The following BNC2 variants were observed in gnomAD, a reference collection of about 807,000 sequenced individuals.
The protein encoded by BNC2 is basonuclin zinc finger protein 2, also known as zinc finger protein basonuclin-2.
BNC2 carries 20 observed loss-of-function variants against 76.3 expected under a neutral mutation model. The ratio of observed to expected loss-of-function variants is 0.26; its 90% CI spans 0.18 to 0.38. BNC2 has a LOEUF of 0.38. Among genes scored for constraint, BNC2 ranks in the 10% least tolerant of loss-of-function variants. BNC2 has a pLI of 1.00. For missense variants in BNC2, 1,382 were observed against 1,399.8 expected, an observed-to-expected ratio of 0.99 and a Z score of 0.20; for synonymous variants, 582 against 514.8, an observed-to-expected ratio of 1.13 and a Z score of -1.77.
chr9:16,638,086 A>C (rs184790833), intron 3 of BNC2, among the ~76,000 whole-genome samples: 1 of 152,302 alleles, frequency 6.6e-6, no homozygotes, highest in Non-Finnish European at 1.5e-5. Context: ...CTTCAAGCTA[A>C]ATTTCTGGGA....
intron 5 of BNC2, among the ~76,000 whole-genome samples, chr9:16,486,415 A>G (rs1004407503): frequency 6.6e-6 from 1 of 152,204 alleles, no homozygotes; most frequent in African/African-American, 2.4e-5. Flanking sequence ...GGCAGGAAGA[A>G]TTAATACTGA....
intron 4 of BNC2, among the ~76,000 whole-genome samples, chr9:16,570,436 C>T (rs1164431066): frequency 6.6e-6 from 1 of 152,174 alleles, no homozygotes; most frequent in Admixed American, 6.5e-5. Flanking sequence ...TCTAGGCTAT[C>T]ACACACACTT....
At chr9:16,633,113 T>C (rs1454156276) in intron 3 of BNC2, among the ~76,000 whole-genome samples, 1 of 152,230 alleles carries the variant, frequency 6.6e-6, no homozygotes, top group Non-Finnish European at 1.5e-5. Context: ...CTGTATTTCA[T>C]CTTTTTAAAA....
In BNC2 at chr9:16,569,853, G is replaced by C. The variant is rs150697432; in HGVS notation, c.433+13130C>G. Among the ~76,000 whole-genome samples, 49 of 152,292 alleles carry C rather than the reference G, an allele frequency of 3.2e-4. 1 individual carries two copies. In the East Asian group the frequency reaches 7.5e-3, roughly 23 times the overall value. ...GGGAATTATTATTATTGCCACTGCTGTTCTATCCAATCTCCAGTTGCCTCA... is the reference window on the plus strand; with the variant it reads ...GGGAATTATTATTATTGCCACTGCTCTTCTATCCAATCTCCAGTTGCCTCA... On this transcript the variant is annotated intron_variant, in intron 4 of 6. Transcript: ENST00000380672.
At chr9:16,689,540 G>T (rs1235022492) in intron 3 of BNC2, among the ~76,000 whole-genome samples, 1 of 152,066 alleles carries the variant, frequency 6.6e-6, no homozygotes, top group Non-Finnish European at 1.5e-5. Context: ...AGTCAAGCTG[G>T]CCCCAAGCCC....
At chr9:16,858,086 G>A (rs10756819) in intron 1 of BNC2, among the ~76,000 whole-genome samples, 76,906 of 152,050 alleles carry the variant, frequency 0.51, 23,155 homozygotes, top group Non-Finnish European at 0.66. Flanking sequence ...TGGGTTTGGA[G>A]ATCATACAAT....
chr9:16,535,286 A>G (rs945577782), intron 5 of BNC2, among the ~76,000 whole-genome samples: 1 of 151,518 alleles, frequency 6.6e-6, no homozygotes, highest in Non-Finnish European at 1.5e-5. Flanking sequence ...TTTAAGCAAC[A>G]GTTTCAAAAA....
chr9:16,628,708 T>C (rs533159969), intron 3 of BNC2, among the ~76,000 whole-genome samples: 2 of 152,306 alleles, frequency 1.3e-5, no homozygotes, highest in Non-Finnish European at 2.9e-5. Context: ...TTGCCATTTA[T>C]ACAACAATAA....
chr9:16,557,062 A>C (rs1818856383), intron 4 of BNC2, among the ~76,000 whole-genome samples: 2 of 152,150 alleles, frequency 1.3e-5, no homozygotes, highest in South Asian at 4.1e-4. Flanking sequence ...TAGGGTTAGG[A>C]ATATGAGTTA....
At chr9:16,807,832 C>A (rs1034884194) in intron 1 of BNC2, among the ~76,000 whole-genome samples, 2 of 152,042 alleles carry the variant, frequency 1.3e-5, no homozygotes, top group Non-Finnish European at 2.9e-5. Flanking sequence ...TTTTCTCACT[C>A]TGGAGTGAGA....
chr9:16,786,731 G>A (rs1052371507), intron 1 of BNC2, among the ~76,000 whole-genome samples: 6 of 152,072 alleles, frequency 3.9e-5, no homozygotes, highest in African/African-American at 7.2e-5. Flanking sequence ...AGTCCTGCTG[G>A]GAACCCACAG....
intron 1 of BNC2, among the ~76,000 whole-genome samples, chr9:16,844,888 T>C (rs981890238): frequency 1.3e-5 from 2 of 152,200 alleles, no homozygotes; most frequent in Non-Finnish European, 2.9e-5. Flanking sequence ...TGTATGTAAA[T>C]TGTTCTGCAA....
chr9:16,524,093 C>A (rs56062233), intron 5 of BNC2, among the ~76,000 whole-genome samples: 1 of 152,230 alleles, frequency 6.6e-6, no homozygotes, highest in Non-Finnish European at 1.5e-5. Flanking sequence ...TCTTTACTAC[C>A]TAATGAGCAC....
chr9:16,595,651 C>T (rs10116857), intron 3 of BNC2, among the ~76,000 whole-genome samples: 5 of 151,886 alleles, frequency 3.3e-5, no homozygotes, highest in Admixed American at 6.6e-5. Context: ...ATTTCTATGA[C>T]ATCTATATGA....
At chr9:16,678,277 T>C (rs111290396) in intron 3 of BNC2, among the ~76,000 whole-genome samples, 32 of 123,896 alleles carry the variant, frequency 2.6e-4, no homozygotes, top group African/African-American at 1.0e-3. Context: ...CTTTTTTTTT[T>C]TTTTTTTTTT....
intron 4 of BNC2, among the ~76,000 whole-genome samples, chr9:16,562,045 T>A (rs1402481051): frequency 6.6e-6 from 1 of 152,048 alleles, no homozygotes; most frequent in African/African-American, 2.4e-5. Flanking sequence ...TAAAGGCTCA[T>A]ATTTCCCTGA....
chr9:16,599,629 C>T (rs1313394455), intron 3 of BNC2, among the ~76,000 whole-genome samples: 1 of 152,072 alleles, frequency 6.6e-6, no homozygotes, highest in East Asian at 1.9e-4. Context: ...ATTAAAAATA[C>T]AAAAATAAGC....
intron 3 of BNC2, chr9:16,685,429 T>C (rs1563897970): frequency 1.9e-6 from 1 of 522,280 alleles, no homozygotes; most frequent in Admixed American, 2.5e-5. Context: ...TGGTTCCTCT[T>C]TACACCTAAC....
At chr9:16,730,547 C>G (rs1824475621) in intron 2 of BNC2, among the ~76,000 whole-genome samples, 1 of 152,122 alleles carries the variant, frequency 6.6e-6, no homozygotes, top group South Asian at 2.1e-4. Flanking sequence ...TTCATAAACT[C>G]TCTCCTAGAA....
Sources: allele counts gnomAD v4.1 joint callset (sites outside exome capture counted in the v4.1 genomes callset), GRCh38; gene constraint gnomAD v4.1.1; transcripts MANE v1.5; gene names NCBI Gene and HGNC (gene_info 2026-07-23, HGNC 2026-07-21).